Variants in C7 observed in about 807,000 individuals in gnomAD.
The protein encoded by C7 is complement C7.
C7 carries 83 observed loss-of-function variants against 104.8 expected under a neutral mutation model. The ratio of observed to expected loss-of-function variants is 0.79; its 90% CI spans 0.66 to 0.95. The LOEUF is 0.95. Ranked by LOEUF, C7 falls within the 40% of genes least tolerant of loss-of-function variation. The pLI is 0.00. For synonymous variants in C7, 415 were observed against 360.6 expected (o/e 1.15, Z -1.71); for missense variants, 1,070 against 1,011.2 (o/e 1.06, Z -0.79).
chr5:40,964,646 T>C, intron 13 of C7, 95 bp from the exon 14 acceptor site: 4 of 1,086,898 alleles, frequency 3.7e-6, no homozygotes, highest in Admixed American at 2.3e-5. Flanking sequence ...GCTTGCCTGA[T>C]GATTATGATT....
At chr5:40,933,167 G>T (rs1437345526) in intron 3 of C7, among the ~76,000 whole-genome samples, 3 of 152,110 alleles carry the variant, frequency 2.0e-5, no homozygotes, top group African/African-American at 7.2e-5. Context: ...AAAGACACCA[G>T]AGCCATGCTC....
At chr5:40,979,693 T>A (rs1335286298) in intron 16 of C7, 32 bp from the exon 17 acceptor site, 36 of 1,579,256 alleles carry the variant, frequency 2.3e-5, no homozygotes, top group Non-Finnish European at 2.9e-5. Context: ...AACAAAAATC[T>A]TGTAAATAAT....
intron 6 of C7, among the ~76,000 whole-genome samples, chr5:40,944,007 A>C (rs1269750321): frequency 2.6e-5 from 4 of 152,212 alleles, no homozygotes; most frequent in Non-Finnish European, 5.9e-5. Flanking sequence ...CTTCTTATTT[A>C]ATGTGACAAC....
At chr5:40,941,207 G>A (rs899051095) in intron 6 of C7, among the ~76,000 whole-genome samples, 2 of 151,962 alleles carry the variant, frequency 1.3e-5, no homozygotes, top group Admixed American at 1.3e-4. Context: ...GGGATTACAG[G>A]CGTGTACTAC....
At chr5:40,964,719 T>G (rs760200571) in intron 13 of C7, 22 bp from the exon 14 acceptor site, 1 of 1,607,066 alleles carries the variant, frequency 6.2e-7, no homozygotes, top group South Asian at 1.1e-5. Context: ...TCTTTCCTTT[T>G]CCATCTTTTA....
intron 9 of C7, among the ~76,000 whole-genome samples, chr5:40,950,351 G>A (rs550248860): frequency 2.6e-5 from 4 of 152,042 alleles, no homozygotes; most frequent in Non-Finnish European, 4.4e-5. Flanking sequence ...ATGGCTTCCA[G>A]CTCCATCCAT....
At chr5:40,936,540 G>T in intron 5 of C7, 55 bp downstream of exon 5, 1 of 1,542,886 alleles carries the variant, frequency 6.5e-7, no homozygotes, top group Non-Finnish European at 8.8e-7. Context: ...TTTAAATTTT[G>T]TTTTATTTTA....
chr5:40,962,067 C>T lies in C7; in HGVS notation c.1662-18C>T, dbSNP rs755673846. Reference sequence around the variant, plus strand: ...CTGTGCAAATCAATCACATTAATTACATTTTTTTTCCTTCCAGGTTGCTTG... The same window carrying T: ...CTGTGCAAATCAATCACATTAATTATATTTTTTTTCCTTCCAGGTTGCTTG... On this transcript the variant is annotated intron_variant, in intron 12 of 17. Coordinates refer to ENST00000313164, the MANE Select transcript of C7 (RefSeq NM_000587.4). 13 of 1,417,026 alleles carry T rather than the reference C, an allele frequency of 9.2e-6. No individual in the cohort carries two copies. The highest frequency in any genetic ancestry group is 1.2e-5 in the Non-Finnish European group (13 of 1,048,162). The allele number at this position is 1,417,026 out of a possible 1,614,324, so 87.8% of individuals were successfully genotyped here. A position where few individuals can be genotyped will look rare whatever the true frequency, so the allele number is the denominator to read the frequency against.
At chr5:40,969,704 G>C (rs1480195448) in intron 14 of C7, among the ~76,000 whole-genome samples, 1 of 151,992 alleles carries the variant, frequency 6.6e-6, no homozygotes, top group African/African-American at 2.4e-5. Flanking sequence ...ACTGCTAAAA[G>C]CTGTTTATCT....
At chr5:40,932,975 A>G (rs1739727916) in intron 3 of C7, among the ~76,000 whole-genome samples, 1 of 152,196 alleles carries the variant, frequency 6.6e-6, no homozygotes, top group Non-Finnish European at 1.5e-5. Context: ...ATGGAGAAGA[A>G]AAACACTTTC....
intron 1 of C7, among the ~76,000 whole-genome samples, chr5:40,913,830 C>T (rs1392482263): frequency 6.6e-6 from 1 of 152,072 alleles, no homozygotes; most frequent in Admixed American, 6.6e-5. Context: ...CAGGTGCGTG[C>T]CAACATGCCT....
At chr5:40,932,496 T>C (rs1415979224) in intron 3 of C7, among the ~76,000 whole-genome samples, 1 of 152,172 alleles carries the variant, frequency 6.6e-6, no homozygotes, top group Non-Finnish European at 1.5e-5. Flanking sequence ...TCACTTTTAA[T>C]TATTAAAATA....
At chr5:40,975,993 G>T (rs1363674071) in intron 15 of C7, among the ~76,000 whole-genome samples, 1 of 152,196 alleles carries the variant, frequency 6.6e-6, no homozygotes, top group Non-Finnish European at 1.5e-5. Context: ...TGCAATCAGG[G>T]ATAGCTGAGG....
intron 6 of C7, among the ~76,000 whole-genome samples, chr5:40,940,737 C>T (rs1739918221): frequency 6.6e-6 from 1 of 152,098 alleles, no homozygotes; most frequent in Admixed American, 6.6e-5. Context: ...GTTCCAAGAG[C>T]TTTACATGGA....
intron 16 of C7, among the ~76,000 whole-genome samples, chr5:40,978,658 T>A (rs1740870878): frequency 6.6e-6 from 1 of 152,134 alleles, no homozygotes; most frequent in Non-Finnish European, 1.5e-5. Flanking sequence ...AAGGAAAATA[T>A]TAGAACTAAA....
chr5:40,941,062 C>CTT lies in C7; in HGVS notation c.567+3386_567+3387dup, dbSNP rs35003828. 6.6e-3 allele frequency among the ~76,000 whole-genome samples: 912 copies of CTT among 138,894 alleles called. 7 individuals are homozygous for CTT. Among genetic ancestry groups the CTT allele is most frequent in the African/African-American group, 0.016 (602 of 37,574 alleles). 91.1% of individuals were successfully genotyped at this position (138,894 alleles called of 152,430 possible). On this transcript the variant is annotated intron_variant, in intron 6 of 17. Coordinates refer to ENST00000313164, the MANE Select transcript of C7 (RefSeq NM_000587.4). Reference sequence around the variant, plus strand: ...AAACAAGAGTGCAAGAGGAACACTTCTTTTTTTTTTTTTTTGAGAGGGAGT... The same window carrying CTT: ...AAACAAGAGTGCAAGAGGAACACTTCTTTTTTTTTTTTTTTTTGAGAGGGAGT...
chr5:40,928,026 T>C (rs1295432456), intron 1 of C7, among the ~76,000 whole-genome samples: 1 of 152,134 alleles, frequency 6.6e-6, no homozygotes, highest in East Asian at 1.9e-4. Context: ...CCTCAACAGA[T>C]GAATGGATAA....
chr5:40,959,491 C>T lies in C7; in HGVS notation c.1532C>T (p.Pro511Leu), dbSNP rs763143326. 9.9e-6 allele frequency: 16 copies of T among 1,611,096 alleles called. No homozygotes were observed. The highest frequency in any genetic ancestry group is 1.7e-5 in the Admixed American group (1 of 59,822). ...GGWSCWSSWS[P>L]CVQGKKTRSR... ...TGGAGTTGCTGGTCCTCTTGGAGCC[C>T]CTGTGTCCAAGGGAAGAAAACAAGA... The change falls in exon 12 of 18, where the codon CCC (proline) becomes CTC (leucine). Residue 511 changes from proline (P) to leucine (L), a missense_variant. By Grantham distance (98) the Pro-to-Leu change is moderately conservative. Transcript: ENST00000313164.
rs140172528 is a variant in C7 at position 40,952,950 on chromosome 5, C to T, written c.1094-2437C>T. On this transcript the variant is annotated intron_variant, in intron 9 of 17. Coordinates refer to ENST00000313164, the MANE Select transcript of C7 (RefSeq NM_000587.4). The stretch of plus-strand genomic sequence containing the variant: ...GATTCTCAAACTTTAATATGCATGA[C>T]GCTTACCTGGGGGATTCTCTTAAAA... 3.6e-4 allele frequency among the ~76,000 whole-genome samples: 55 copies of T among 152,060 alleles called. 1 individual carries two copies. The highest frequency in any genetic ancestry group is 1.0e-3 in the African/African-American group (43 of 41,496).
Sources: allele counts gnomAD v4.1 joint callset (sites outside exome capture counted in the v4.1 genomes callset), GRCh38; gene constraint gnomAD v4.1.1; transcripts MANE v1.5; gene names NCBI Gene and HGNC (gene_info 2026-07-23, HGNC 2026-07-21).